NEO1: variants seen among roughly 807,000 people sequenced by gnomAD.
NEO1 encodes neogenin 1.
NEO1 carries 63 observed loss-of-function variants against 159.7 expected under a neutral mutation model. That is an observed-to-expected ratio of 0.39 (90% confidence interval 0.32 to 0.49). The LOEUF is 0.49. NEO1 is among the 20% of genes least tolerant of loss of function. The pLI, the probability that NEO1 is intolerant of heterozygous loss-of-function variation, is 0.85. For synonymous variants in NEO1, 633 were observed against 662.0 expected, an observed-to-expected ratio of 0.96 and a Z score of 0.67; for missense variants, 1,615 against 1,831.0, an observed-to-expected ratio of 0.88 and a Z score of 2.15.
chr15:73,260,360 A>C lies in NEO1; in HGVS notation c.2293A>C (p.Asn765His). The change falls in exon 15 of 29, where the codon AAC (asparagine) becomes CAC (histidine). Residue 765 changes from asparagine to histidine, a missense_variant. Physicochemically the swap from Asn to His is moderately conservative, Grantham distance 68. This residue lies in a region of NEO1 where 1,018 missense variants were observed against 1,115.4 expected (regional missense o/e 0.91). Transcript: ENST00000261908. ...VVSWTPPENQ[N>H]IVVRGYAIGY... is the part of the protein sequence containing the mutation. ...GAGCTGGACTCCTCCAGAGAATCAGAACATTGTGGTCAGAGGTTACGCCAT... is the reference window on the plus strand; with the variant it reads ...GAGCTGGACTCCTCCAGAGAATCAGCACATTGTGGTCAGAGGTTACGCCAT... 6.2e-7 allele frequency: 1 copy of C among 1,614,050 alleles called. No homozygotes were observed. The highest frequency in any genetic ancestry group is 8.5e-7 in the Non-Finnish European group (1 of 1,179,980).
intron 1 of NEO1, among the ~76,000 whole-genome samples, chr15:73,068,310 C>G (rs1247669934): frequency 8.6e-6 from 1 of 116,502 alleles, no homozygotes; most frequent in East Asian, 2.2e-4. Context: ...CAACCTCTGC[C>G]TCTTGGGTTC....
In NEO1 at chr15:73,059,032, T is replaced by C. The variant is rs571706853; in HGVS notation, c.130+6227T>C. Among the ~76,000 whole-genome samples, 334 of 152,318 alleles carry C rather than the reference T, an allele frequency of 2.2e-3. 2 individuals carry two copies. The highest frequency in any genetic ancestry group is 7.7e-3 in the African/African-American group (319 of 41,582). On this transcript the variant is annotated intron_variant, in intron 1 of 28. Coordinates refer to ENST00000261908, the MANE Select transcript of NEO1 (RefSeq NM_002499.4). The stretch of plus-strand genomic sequence containing the variant: ...TTACTTGCAAATGATTGTATATGAT[T>C]TTATTTTATATGTGTAAAAATAGCT...
chr15:73,271,947 G>A (rs1007172584), intron 18 of NEO1, among the ~76,000 whole-genome samples: 61 of 150,676 alleles, frequency 4.0e-4, no homozygotes, highest in Admixed American at 2.3e-3. Flanking sequence ...GGTTTGGAGA[G>A]CCAACTATAA....
At chr15:73,167,019 G>A (rs561499105) in intron 5 of NEO1, among the ~76,000 whole-genome samples, 12 of 150,504 alleles carry the variant, frequency 8.0e-5, no homozygotes, top group Admixed American at 6.6e-5. Context: ...GCAAACTATC[G>A]CAAGGACAAA....
Position 73,122,819 on chromosome 15 carries a change from G to C in NEO1, c.724+19G>C. ...CTTCCAGGTATTAACTCATTATCAGGACTGATGGTTTTATGTTTATGAATG... is the reference window on the plus strand; with the variant it reads ...CTTCCAGGTATTAACTCATTATCAGCACTGATGGTTTTATGTTTATGAATG... On this transcript the variant is annotated intron_variant, in intron 3 of 28. Transcript: ENST00000261908. The C allele has an allele frequency of 6.2e-7, 1 of 1,611,682 alleles. No individual in the cohort carries two copies. Among genetic ancestry groups the C allele is most frequent in the Non-Finnish European group, 8.5e-7 (1 of 1,178,212 alleles).
intron 1 of NEO1, among the ~76,000 whole-genome samples, chr15:73,101,921 A>C (rs1001846283): frequency 3.3e-5 from 5 of 152,040 alleles, no homozygotes; most frequent in African/African-American, 1.2e-4. Flanking sequence ...TTACCAACCT[A>C]TCTCTCCTCT....
At chr15:73,142,585 C>T (rs780680232) in intron 5 of NEO1, among the ~76,000 whole-genome samples, 1 of 151,926 alleles carries the variant, frequency 6.6e-6, no homozygotes, top group Non-Finnish European at 1.5e-5. Flanking sequence ...CATCCAACAT[C>T]GCAGTGAAAA....
chr15:73,147,173 T>C (rs755389980), intron 5 of NEO1, among the ~76,000 whole-genome samples: 3 of 152,200 alleles, frequency 2.0e-5, no homozygotes, highest in Non-Finnish European at 2.9e-5. Context: ...TGTGGTGGTG[T>C]TGTGAGGAAT....
At chr15:73,168,525 G>A (rs1283641594) in intron 5 of NEO1, among the ~76,000 whole-genome samples, 1 of 151,938 alleles carries the variant, frequency 6.6e-6, no homozygotes, top group Non-Finnish European at 1.5e-5. Flanking sequence ...AGTATCAGAT[G>A]GATGAGTACC....
intron 5 of NEO1, among the ~76,000 whole-genome samples, chr15:73,158,290 C>T (rs1156932966): frequency 1.6e-5 from 2 of 126,606 alleles, no homozygotes; most frequent in Non-Finnish European, 3.2e-5. Context: ...GATAAAATTT[C>T]TCCTGGGATA....
intron 1 of NEO1, among the ~76,000 whole-genome samples, chr15:73,056,507 A>T (rs2067702763): frequency 6.6e-6 from 1 of 152,140 alleles, no homozygotes; most frequent in Admixed American, 6.5e-5. Context: ...TAGCACTAAC[A>T]TGTAGCATAG....
intron 28 of NEO1, among the ~76,000 whole-genome samples, chr15:73,302,183 A>G (rs1252928605): frequency 3.3e-5 from 5 of 152,226 alleles, no homozygotes; most frequent in Admixed American, 6.5e-5. Context: ...TCTCGAAACA[A>G]AAATCACCAG....
chr15:73,084,873 T>C (rs890531548), intron 1 of NEO1, among the ~76,000 whole-genome samples: 2 of 152,006 alleles, frequency 1.3e-5, no homozygotes, highest in African/African-American at 2.4e-5. Flanking sequence ...TTAATAGTTT[T>C]AGGTTTCATC....
At chr15:73,286,257 GC>G (rs1156974245) in intron 23 of NEO1, among the ~76,000 whole-genome samples, 1 of 152,166 alleles carries the variant, frequency 6.6e-6, no homozygotes, top group Non-Finnish European at 1.5e-5. Context: ...GAGGTCACCA[GC>G]GACCTGTGTA....
rs370258063 is a variant in NEO1 at position 73,116,598 on chromosome 15, C to G, written c.189C>G (p.Leu63=). 2.5e-6 allele frequency: 4 copies of G among 1,593,700 alleles called. No individual in the cohort carries two copies. The highest frequency in any genetic ancestry group is 3.4e-6 in the Non-Finnish European group (4 of 1,172,798). ...TTCTGGTGGAGCCGGTGGATACACT[C>G]TCAGTTAGAGGCTCTTCTGTTATAT... The part of the protein sequence containing the change: ...FYFLVEPVDT[L]SVRGSSVILN... Residue 63 remains leucine, a synonymous_variant, in exon 2 of 29, where the codon CTC becomes CTG. Coordinates refer to ENST00000261908, the MANE Select transcript of NEO1 (RefSeq NM_002499.4).
chr15:73,156,153 G>A (rs1567334217), intron 5 of NEO1, among the ~76,000 whole-genome samples: 2 of 152,286 alleles, frequency 1.3e-5, no homozygotes, highest in South Asian at 2.1e-4. Flanking sequence ...ATGTTGATTG[G>A]ATAGGGCGTT....
At chr15:73,150,360 A>C (rs1276547966) in intron 5 of NEO1, among the ~76,000 whole-genome samples, 1 of 152,236 alleles carries the variant, frequency 6.6e-6, no homozygotes, top group African/African-American at 2.4e-5. Context: ...GTGGTAAAGA[A>C]TACTTTTTCC....
intron 7 of NEO1, among the ~76,000 whole-genome samples, chr15:73,234,666 G>A (rs892421627): frequency 5.9e-5 from 9 of 152,080 alleles, no homozygotes; most frequent in African/African-American, 1.9e-4. Context: ...ACTTAACGTC[G>A]GGGCTAAAAC....
chr15:73,301,601 A>G (rs1330296407), intron 28 of NEO1, 144 bp downstream of exon 28: 3 of 1,101,426 alleles, frequency 2.7e-6, no homozygotes, highest in African/African-American at 1.6e-5. Flanking sequence ...TTCAGTAGAT[A>G]CAGTGTTGAG....
Sources: allele counts gnomAD v4.1 joint callset (sites outside exome capture counted in the v4.1 genomes callset), GRCh38; gene constraint gnomAD v4.1.1; regional missense constraint gnomAD v4.1.1; transcripts MANE v1.5; gene names NCBI Gene and HGNC (gene_info 2026-07-23, HGNC 2026-07-21).